Variants in ERBB4 observed in about 807,000 individuals in gnomAD.
ERBB4 encodes receptor tyrosine-protein kinase erbB-4.
ERBB4 carries 42 observed loss-of-function variants against 158.0 expected under a neutral mutation model. The observed-to-expected ratio is 0.27, with a 90% CI of 0.21 to 0.34. ERBB4 has a LOEUF of 0.34. Ranked by LOEUF, ERBB4 falls within the 10% of genes least tolerant of loss-of-function variation. The pLI, the probability that ERBB4 is intolerant of heterozygous loss-of-function variation, is 1.00. For synonymous variants in ERBB4, 583 were observed against 558.7 expected (o/e 1.04, Z -0.61); for missense variants, 1,333 against 1,624.1 (o/e 0.82, Z 3.08).
At chr2:212,152,796 C>G (rs985915285) in intron 1 of ERBB4, among the ~76,000 whole-genome samples, 1 of 152,156 alleles carries the variant, frequency 6.6e-6, no homozygotes, top group South Asian at 2.1e-4. Context: ...CTTGTGCTTC[C>G]TCATTCAGTG....
intron 2 of ERBB4, among the ~76,000 whole-genome samples, chr2:211,987,718 T>C (rs1445017668): frequency 6.6e-6 from 1 of 152,186 alleles, no homozygotes; most frequent in Admixed American, 6.5e-5. Flanking sequence ...ATGCAATTGT[T>C]TCTCATTTAT....
intron 1 of ERBB4, among the ~76,000 whole-genome samples, chr2:212,322,855 A>C (rs1322196158): frequency 6.6e-6 from 1 of 150,486 alleles, no homozygotes; most frequent in Non-Finnish European, 1.5e-5. Context: ...GTAGCACCAG[A>C]ATAGTGTTTC....
chr2:211,913,461 T>A lies in ERBB4; in HGVS notation c.421+33969A>T, dbSNP rs919999198. On this transcript the variant is annotated intron_variant, in intron 3 of 27. Transcript: ENST00000342788. ...ACTAAAACTACAAAAATTAGCCAGG[T>A]GTGATGGTGCGTGCCTGTCATCCCA... Among the ~76,000 whole-genome samples the A allele has an allele frequency of 4.6e-5, 7 of 151,802 alleles. No homozygotes were observed. In the East Asian group the frequency reaches 1.4e-3, roughly 30 times the overall value.
intron 1 of ERBB4, among the ~76,000 whole-genome samples, chr2:212,304,881 C>G (rs183776078): frequency 1.9e-3 from 286 of 151,264 alleles, no homozygotes; most frequent in Non-Finnish European, 3.0e-3. Flanking sequence ...CATAACAATT[C>G]TAAATATTAA....
chr2:211,678,724 TG>T (rs71397138), intron 13 of ERBB4, among the ~76,000 whole-genome samples: 2 of 152,110 alleles, frequency 1.3e-5, no homozygotes, highest in Non-Finnish European at 2.9e-5. Flanking sequence ...CCCAGCACTT[TG>T]GGAGGCCAAG....
intron 2 of ERBB4, among the ~76,000 whole-genome samples, chr2:212,121,260 C>G (rs2079738913): frequency 6.6e-6 from 1 of 152,190 alleles, no homozygotes; most frequent in South Asian, 2.1e-4. Context: ...GAGACGGAGT[C>G]TCGCTGTGTT....
At chr2:211,570,915 C>T (rs2067705727) in intron 19 of ERBB4, among the ~76,000 whole-genome samples, 10 of 152,094 alleles carry the variant, frequency 6.6e-5, no homozygotes, top group Admixed American at 6.6e-4. Context: ...TGTTTCTCAT[C>T]TCATTACATT....
intron 1 of ERBB4, among the ~76,000 whole-genome samples, chr2:212,401,357 TAGA>T (rs1480816920): frequency 1.3e-5 from 2 of 152,174 alleles, no homozygotes; most frequent in Admixed American, 6.6e-5. Flanking sequence ...CCAATATAAA[TAGA>T]AGATTAGCTT....
intron 2 of ERBB4, among the ~76,000 whole-genome samples, chr2:212,022,569 C>G (rs1225020827): frequency 6.6e-6 from 1 of 151,912 alleles, no homozygotes; most frequent in Non-Finnish European, 1.5e-5. Context: ...GGAAAAAGAG[C>G]TAATGTATGC....
intron 16 of ERBB4, among the ~76,000 whole-genome samples, chr2:211,649,024 C>CCTT (rs1292174489): frequency 1.3e-5 from 2 of 151,764 alleles, no homozygotes; most frequent in Non-Finnish European, 3.0e-5. Context: ...TATGTTTGTT[C>CCTT]ATATATGTCT....
chr2:211,641,409 A>G (rs2070584498), intron 16 of ERBB4, among the ~76,000 whole-genome samples: 1 of 152,128 alleles, frequency 6.6e-6, no homozygotes, highest in Non-Finnish European at 1.5e-5. Flanking sequence ...TGCAAGAGGA[A>G]CAAACCTTAA....
At chr2:212,428,407 T>C (rs936674283) in intron 1 of ERBB4, among the ~76,000 whole-genome samples, 5 of 152,124 alleles carry the variant, frequency 3.3e-5, no homozygotes, top group Non-Finnish European at 5.9e-5. Context: ...ATCTTCCTTC[T>C]TGGCTTTTGT....
Position 212,510,257 on chromosome 2 carries a change from TACA to T in ERBB4, c.82+28189_82+28191del, listed in dbSNP as rs557631103. On this transcript the variant is annotated intron_variant, in intron 1 of 27. Transcript: ENST00000342788. ...TAACTACTCCCATCCAATGTATTCA[TACA>T]ACAACTTGAGTGATTTCCAATACTA... 3.9e-3 allele frequency among the ~76,000 whole-genome samples: 570 copies of T among 146,118 alleles called. 6 individuals carry two copies. Among genetic ancestry groups the T allele is most frequent in the African/African-American group, 0.013 (514 of 38,744 alleles).
At chr2:211,580,907 A>ATAC (rs1553576307) in intron 19 of ERBB4, among the ~76,000 whole-genome samples, 2 of 91,816 alleles carry the variant, frequency 2.2e-5, no homozygotes, top group African/African-American at 4.1e-5. Context: ...ATATATATAT[A>ATAC]TATATATATG....
intron 1 of ERBB4, among the ~76,000 whole-genome samples, chr2:212,337,500 A>T (rs979881331): frequency 6.6e-6 from 1 of 152,138 alleles, no homozygotes; most frequent in African/African-American, 2.4e-5. Flanking sequence ...CTGCTAGCTC[A>T]GACCCTCTCC....
rs1375829279 is a variant in ERBB4, at chr2:212,003,174, A to G, written c.235-55558T>C. Among the ~76,000 whole-genome samples the G allele has an allele frequency of 1.7e-3, 74 of 44,586 alleles. 2 individuals carry two copies. The highest frequency in any genetic ancestry group is 4.1e-3 in the Non-Finnish European group (61 of 14,768). The allele number at this position is 44,586 out of a possible 152,430, so 29.3% of individuals were successfully genotyped here. On this transcript the variant is annotated intron_variant, in intron 2 of 27. Transcript: ENST00000342788. The stretch of plus-strand genomic sequence containing the variant: ...GAAAGAAAGAAAGAAAGAAAGAAAG[A>G]AAGAAAGAAAGAAAGAAAGAAAGAA...
Position 211,987,031 on chromosome 2 carries a change from C to G in ERBB4, c.235-39415G>C, listed in dbSNP as rs572915906. Among the ~76,000 whole-genome samples, 7 of 152,114 alleles carry G rather than the reference C, an allele frequency of 4.6e-5. No individual in the cohort carries two copies. In the East Asian group the frequency reaches 7.7e-4, roughly 17 times the overall value. Reference sequence around the variant, plus strand: ...GTTCCAGTCATAAATGTAAAGAAATCTATCACACAGTGGGTGCAGTGGCTC... The same window carrying G: ...GTTCCAGTCATAAATGTAAAGAAATGTATCACACAGTGGGTGCAGTGGCTC... On this transcript the variant is annotated intron_variant, in intron 2 of 27. Transcript: ENST00000342788.
At chr2:211,544,124 C>A (rs1201779127) in intron 20 of ERBB4, among the ~76,000 whole-genome samples, 1 of 151,938 alleles carries the variant, frequency 6.6e-6, no homozygotes, top group Non-Finnish European at 1.5e-5. Context: ...TAAATTATCA[C>A]CCCACCTAGT....
intron 2 of ERBB4, among the ~76,000 whole-genome samples, chr2:212,059,580 G>C (rs1251062517): frequency 6.6e-6 from 1 of 152,052 alleles, no homozygotes; most frequent in East Asian, 1.9e-4. Context: ...GCATGGTACT[G>C]GTACCAAAAC....
Sources: allele counts gnomAD v4.1 joint callset (sites outside exome capture counted in the v4.1 genomes callset), GRCh38; gene constraint gnomAD v4.1.1; transcripts MANE v1.5; gene names NCBI Gene and HGNC (gene_info 2026-07-23, HGNC 2026-07-21).